Variants in SHISA6 observed in about 807,000 individuals in gnomAD.
SHISA6 encodes protein shisa-6.
In SHISA6, 22 loss-of-function variants were observed where a neutral mutation model predicts 47.9. The ratio of observed to expected loss-of-function variants is 0.46; its 90% CI spans 0.33 to 0.66. The LOEUF (loss-of-function observed/expected upper bound fraction) is 0.66, where lower values mean the gene tolerates loss of function less well. Ranked by LOEUF, SHISA6 falls within the 30% of genes least tolerant of loss-of-function variation. The probability of loss-of-function intolerance (pLI) is 0.02; values close to 1 mark genes in which losing one functional copy is unlikely to be tolerated. For missense variants in SHISA6, 680 were observed against 764.6 expected (o/e 0.89, Z 1.30); for synonymous variants, 388 against 337.8 (o/e 1.15, Z -1.63).
intron 3 of SHISA6, among the ~76,000 whole-genome samples, chr17:11,432,025 C>A (rs1175506585): frequency 6.6e-6 from 1 of 152,166 alleles, no homozygotes; most frequent in African/African-American, 2.4e-5. Flanking sequence ...ATCCTAAAAG[C>A]AAATTTGCTT....
Position 11,418,335 on chromosome 17 carries a change from C to T in SHISA6, c.895+38826C>T, listed in dbSNP as rs374630400. On this transcript the variant is annotated intron_variant, in intron 3 of 5. Transcript: ENST00000441885. ...TCATGGTGGATATTTGATCAGTATCCTTCTTTTTCACTCCATTGCATTGTC... is the reference window on the plus strand; with the variant it reads ...TCATGGTGGATATTTGATCAGTATCTTTCTTTTTCACTCCATTGCATTGTC... Among the ~76,000 whole-genome samples, 7 of 152,208 alleles carry T rather than the reference C, an allele frequency of 4.6e-5. 1 individual carries two copies. Among genetic ancestry groups the T allele is most frequent in the East Asian group, 3.9e-4 (2 of 5,168 alleles).
intron 5 of SHISA6, among the ~76,000 whole-genome samples, chr17:11,556,167 G>A (rs1184278333): frequency 6.6e-6 from 1 of 152,066 alleles, no homozygotes; most frequent in African/African-American, 2.4e-5. Flanking sequence ...GTTTAACTGC[G>A]GGAGAAAGCC....
intron 3 of SHISA6, among the ~76,000 whole-genome samples, chr17:11,541,074 A>C: frequency 6.6e-6 from 1 of 152,030 alleles, no homozygotes; most frequent in African/African-American, 2.4e-5. Flanking sequence ...CTCTTTTCTC[A>C]CCTATAAAAT....
intron 3 of SHISA6, among the ~76,000 whole-genome samples, chr17:11,518,718 A>G (rs1004799628): frequency 6.6e-6 from 1 of 152,186 alleles, no homozygotes; most frequent in Non-Finnish European, 1.5e-5. Flanking sequence ...TTGAATCACT[A>G]TAGGAATGCT....
At chr17:11,455,869 A>G (rs1003834561) in intron 3 of SHISA6, among the ~76,000 whole-genome samples, 1 of 152,220 alleles carries the variant, frequency 6.6e-6, no homozygotes, top group African/African-American at 2.4e-5. Flanking sequence ...CACTCAAAGC[A>G]ATACACATCA....
intron 2 of SHISA6, among the ~76,000 whole-genome samples, chr17:11,342,315 C>T (rs1911560559): frequency 6.6e-6 from 1 of 151,978 alleles, no homozygotes; most frequent in African/African-American, 2.4e-5. Context: ...CATCCATTAC[C>T]TAGCAGCAGA....
intron 1 of SHISA6, among the ~76,000 whole-genome samples, chr17:11,243,105 C>A (rs1004953709): frequency 6.6e-6 from 1 of 151,736 alleles, no homozygotes; most frequent in Non-Finnish European, 1.5e-5. Flanking sequence ...CCATGAGCAC[C>A]CCCCAGACCA....
At chr17:11,394,680 T>TG (rs1158252308) in intron 3 of SHISA6, among the ~76,000 whole-genome samples, 1 of 152,200 alleles carries the variant, frequency 6.6e-6, no homozygotes, top group Admixed American at 6.5e-5. Context: ...TTATTTTTAT[T>TG]GATTTTTTAA....
At chr17:11,296,741 C>T (rs1909763248) in intron 2 of SHISA6, among the ~76,000 whole-genome samples, 3 of 152,158 alleles carry the variant, frequency 2.0e-5, no homozygotes, top group Admixed American at 6.5e-5. Context: ...GGACTAAGTA[C>T]TGAGGGACTC....
intron 4 of SHISA6, among the ~76,000 whole-genome samples, chr17:11,554,730 G>A (rs2071960595): frequency 6.6e-6 from 1 of 152,020 alleles, no homozygotes; most frequent in Admixed American, 6.5e-5. Flanking sequence ...GACTTGTTGT[G>A]GCTTCTCCTC....
At chr17:11,464,599 G>A (rs1490797755) in intron 3 of SHISA6, among the ~76,000 whole-genome samples, 6 of 152,144 alleles carry the variant, frequency 3.9e-5, no homozygotes, top group Admixed American at 3.9e-4. Flanking sequence ...AGAGTTCCAC[G>A]GTAGAGGAAG....
At chr17:11,472,103 T>C (rs576017113) in intron 3 of SHISA6, among the ~76,000 whole-genome samples, 1 of 152,238 alleles carries the variant, frequency 6.6e-6, no homozygotes, top group South Asian at 2.1e-4. Flanking sequence ...CATCCCCCGT[T>C]TTCCCCTGGC....
At chr17:11,547,130 T>G (rs2071890039) in intron 3 of SHISA6, among the ~76,000 whole-genome samples, 1 of 152,148 alleles carries the variant, frequency 6.6e-6, no homozygotes, top group African/African-American at 2.4e-5. Context: ...CACATCACCC[T>G]CAGTCTTTGA....
rs1469641555 is a variant in SHISA6, at chr17:11,465,729, G to A, written c.896-86167G>A. 3.3e-5 allele frequency among the ~76,000 whole-genome samples: 5 copies of A among 152,138 alleles called. No individual in the cohort carries two copies. The East Asian group carries it at 9.6e-4, about 29-fold the overall frequency. On this transcript the variant is annotated intron_variant, in intron 3 of 5. Transcript: ENST00000441885. ...CTCCCTGCTTTGTGGTGCAGCAGTGGGGGTGATGCTGCTTCAAGGCTGAGC... is the reference window on the plus strand; with the variant it reads ...CTCCCTGCTTTGTGGTGCAGCAGTGAGGGTGATGCTGCTTCAAGGCTGAGC...
chr17:11,367,848 ATAGTT>A (rs1370256920), intron 2 of SHISA6, among the ~76,000 whole-genome samples: 1 of 152,144 alleles, frequency 6.6e-6, no homozygotes, highest in Non-Finnish European at 1.5e-5. Flanking sequence ...AGTCTGAAAA[ATAGTT>A]TAGCCCCTCA....
intron 3 of SHISA6, among the ~76,000 whole-genome samples, chr17:11,392,744 G>A (rs761703838): frequency 6.6e-6 from 1 of 152,244 alleles, no homozygotes; most frequent in Non-Finnish European, 1.5e-5. Context: ...CCAGATTGGG[G>A]TGTAGCAGAT....
chr17:11,530,137 G>A (rs1452256671), intron 3 of SHISA6, among the ~76,000 whole-genome samples: 1 of 152,158 alleles, frequency 6.6e-6, no homozygotes, highest in Non-Finnish European at 1.5e-5. Context: ...TCTACATTCT[G>A]ATTCTAGTAA....
intron 2 of SHISA6, among the ~76,000 whole-genome samples, chr17:11,297,170 A>G (rs1245294199): frequency 6.6e-6 from 1 of 152,164 alleles, no homozygotes; most frequent in South Asian, 2.1e-4. Flanking sequence ...AAGACACCAG[A>G]TCATGCGTGT....
At chr17:11,246,551 G>T (rs937571353) in intron 1 of SHISA6, among the ~76,000 whole-genome samples, 1 of 148,308 alleles carries the variant, frequency 6.7e-6, no homozygotes, top group Non-Finnish European at 1.5e-5. Flanking sequence ...AAGAACTGGA[G>T]AAGTCTTATG....
Sources: allele counts gnomAD v4.1 joint callset (sites outside exome capture counted in the v4.1 genomes callset), GRCh38; gene constraint gnomAD v4.1.1; transcripts MANE v1.5; gene names NCBI Gene and HGNC (gene_info 2026-07-23, HGNC 2026-07-21).